Variants in DYNC1I1 observed in about 807,000 individuals in gnomAD.
The protein encoded by DYNC1I1 is cytoplasmic dynein 1 intermediate chain 1.
Under a neutral mutation model 86.6 loss-of-function variants are expected in DYNC1I1, and 43 were observed. That is an observed-to-expected ratio of 0.50 (90% CI 0.39 to 0.64). DYNC1I1 has a LOEUF of 0.64. Among genes scored for constraint, DYNC1I1 ranks in the 30% least tolerant of loss-of-function variants. DYNC1I1 has a pLI of 0.00. For missense variants in DYNC1I1, 604 were observed against 788.8 expected (o/e 0.77, Z 2.81); for synonymous variants, 262 against 283.7 (o/e 0.92, Z 0.77).
At chr7:95,867,997 T>A (rs1314466438) in intron 5 of DYNC1I1, among the ~76,000 whole-genome samples, 1 of 152,242 alleles carries the variant, frequency 6.6e-6, no homozygotes, top group Non-Finnish European at 1.5e-5. Flanking sequence ...ACTTTGAAAC[T>A]TTGAGGATTT....
intron 1 of DYNC1I1, among the ~76,000 whole-genome samples, chr7:95,785,191 T>G (rs1794096281): frequency 6.6e-6 from 1 of 152,060 alleles, no homozygotes; most frequent in Non-Finnish European, 1.5e-5. Flanking sequence ...GCAGGTAGAT[T>G]GCTTGAGTTC....
chr7:95,902,396 C>T (rs946788442), intron 6 of DYNC1I1, among the ~76,000 whole-genome samples: 1 of 152,132 alleles, frequency 6.6e-6, no homozygotes, highest in African/African-American at 2.4e-5. Flanking sequence ...CCCTTTGCTA[C>T]ACTGGTTTTA....
At chr7:95,782,324 T>C (rs1394252788) in intron 1 of DYNC1I1, among the ~76,000 whole-genome samples, 3 of 152,232 alleles carry the variant, frequency 2.0e-5, no homozygotes, top group Admixed American at 2.0e-4. Flanking sequence ...CTATTCCTGC[T>C]AATAACTACA....
At chr7:96,063,694 A>T (rs1389548290) in intron 14 of DYNC1I1, among the ~76,000 whole-genome samples, 1 of 152,136 alleles carries the variant, frequency 6.6e-6, no homozygotes, top group East Asian at 1.9e-4. Context: ...TTCTTTAAAG[A>T]CCTTACCTCC....
chr7:96,087,487 C>T (rs1232078359), intron 16 of DYNC1I1, among the ~76,000 whole-genome samples: 1 of 152,116 alleles, frequency 6.6e-6, no homozygotes, highest in African/African-American at 2.4e-5. Context: ...TGAGTGTGGC[C>T]ATTAATTTCC....
intron 6 of DYNC1I1, among the ~76,000 whole-genome samples, chr7:95,940,831 G>A (rs867650403): frequency 1.1e-4 from 16 of 152,158 alleles, no homozygotes; most frequent in South Asian, 6.2e-4. Context: ...GCTTTGTTCC[G>A]TTGCTGGTGA....
intron 1 of DYNC1I1, among the ~76,000 whole-genome samples, chr7:95,793,893 T>C (rs11768630): frequency 0.081 from 12,343 of 152,274 alleles, 609 homozygotes; most frequent in Non-Finnish European, 0.099. Flanking sequence ...TGATGCTCTA[T>C]GGAGGATCCA....
At chr7:96,012,530 T>C (rs1794300922) in intron 10 of DYNC1I1, among the ~76,000 whole-genome samples, 2 of 152,168 alleles carry the variant, frequency 1.3e-5, no homozygotes, top group Admixed American at 1.3e-4. Flanking sequence ...TTATATTCTA[T>C]CAGGTGAAAG....
chr7:95,837,554 C>T (rs190967520), intron 5 of DYNC1I1: 10,215 of 153,256 alleles, frequency 0.067, 25 homozygotes, highest in Non-Finnish European at 0.086. Context: ...ATGGCGGGCG[C>T]CCCTCCCCCA....
intron 6 of DYNC1I1, 115 bp downstream of exon 6, chr7:95,870,113 A>T: frequency 2.3e-6 from 2 of 868,858 alleles, no homozygotes; most frequent in South Asian, 2.1e-5. Context: ...ATACAAACAT[A>T]ATGACACTGA....
intron 16 of DYNC1I1, among the ~76,000 whole-genome samples, chr7:96,088,512 G>T (rs1461886735): frequency 6.6e-6 from 1 of 151,958 alleles, no homozygotes; most frequent in African/African-American, 2.4e-5. Context: ...TTTTTTTATG[G>T]CTGACAAAAT....
chr7:95,807,421 A>G lies in DYNC1I1; in HGVS notation c.108+2584A>G, dbSNP rs570058967. Among the ~76,000 whole-genome samples the G allele has an allele frequency of 6.6e-5, 10 of 152,248 alleles. No individual in the cohort carries two copies. The East Asian group carries it at 1.5e-3, about 24-fold the overall frequency. ...GCTCATACAGCCAGTTTCCCAGATC[A>G]GAAACCTGAAGTCACCCTTTCACCA... On this transcript the variant is annotated intron_variant, in intron 2 of 16. Transcript: ENST00000447467.
rs1038251397 is a variant in DYNC1I1 at position 95,818,893 on chromosome 7, A to G, written c.314+5556A>G. 1.7e-5 allele frequency: 3 copies of G among 179,624 alleles called. No individual in the cohort carries two copies. In the Admixed American group the frequency reaches 1.9e-4, roughly 11 times the overall value. 11.1% of individuals were successfully genotyped at this position (179,624 alleles called of 1,614,324 possible). A position where few individuals can be genotyped will look rare whatever the true frequency, so the allele number is the denominator to read the frequency against. On this transcript the variant is annotated intron_variant, in intron 4 of 16. Coordinates refer to ENST00000447467, the MANE Select transcript of DYNC1I1 (RefSeq NM_001135556.2). ...TATTTTTATATTTCAATGTATTTTC[A>G]CCTTATCTAGTATCTACACTATCTT...
chr7:96,065,279 GT>G (rs869095009), intron 14 of DYNC1I1, among the ~76,000 whole-genome samples: 1 of 151,296 alleles, frequency 6.6e-6, no homozygotes, highest in Admixed American at 6.6e-5. Context: ...CTCTCCACTG[GT>G]TCTCTCTCTT....
chr7:95,945,093 C>A (rs1011316509), intron 6 of DYNC1I1, among the ~76,000 whole-genome samples: 2 of 149,966 alleles, frequency 1.3e-5, no homozygotes, highest in Admixed American at 6.6e-5. Flanking sequence ...AAATAAAAAA[C>A]CATTTTTTAA....
intron 14 of DYNC1I1, among the ~76,000 whole-genome samples, chr7:96,061,376 G>A (rs908300402): frequency 1.5e-4 from 23 of 152,260 alleles, no homozygotes; most frequent in Middle Eastern, 3.4e-3. Context: ...ACTAGCTCGG[G>A]AAGAGGTAAA....
intron 7 of DYNC1I1, among the ~76,000 whole-genome samples, chr7:95,982,380 T>C (rs1174889873): frequency 6.6e-6 from 1 of 152,158 alleles, no homozygotes; most frequent in Non-Finnish European, 1.5e-5. Context: ...AGGCTAGTGC[T>C]CCACCTACCT....
At chr7:95,880,248 C>T (rs764237167) in intron 6 of DYNC1I1, among the ~76,000 whole-genome samples, 4 of 152,082 alleles carry the variant, frequency 2.6e-5, no homozygotes, top group African/African-American at 4.8e-5. Flanking sequence ...TTCCACCAAC[C>T]GAACACACTT....
At chr7:95,910,513 A>G (rs577324616) in intron 6 of DYNC1I1, among the ~76,000 whole-genome samples, 1 of 152,254 alleles carries the variant, frequency 6.6e-6, no homozygotes, top group Non-Finnish European at 1.5e-5. Flanking sequence ...GGCATGGATT[A>G]AGGTTTAGAG....
Sources: gnomAD v4.1 joint callset for allele counts (sites outside exome capture counted in the v4.1 genomes callset) on GRCh38, gnomAD v4.1.1 for gene constraint, MANE v1.5 for transcripts, NCBI Gene and HGNC (gene_info 2026-07-23, HGNC 2026-07-21) for gene names.